ZNF609: variants seen among roughly 807,000 people sequenced by gnomAD.
ZNF609 encodes the protein zinc finger protein 609.
In ZNF609, 11 loss-of-function variants were observed where a neutral mutation model predicts 109.5. The ratio of observed to expected loss-of-function variants is 0.10; its 90% CI spans 0.06 to 0.17. ZNF609 has a LOEUF of 0.17. ZNF609 is among the 10% of genes least tolerant of loss of function. The pLI is 1.00. For missense variants in ZNF609, 1,559 were observed against 1,772.4 expected (o/e 0.88, Z 2.16); for synonymous variants, 646 against 662.0 (o/e 0.98, Z 0.37).
chr15:64,588,774 G>T (rs1016006311), intron 2 of ZNF609, among the ~76,000 whole-genome samples: 1 of 152,000 alleles, frequency 6.6e-6, no homozygotes, highest in Admixed American at 6.6e-5. Flanking sequence ...AAGTAGCTGG[G>T]ATTACAGGCA....
At chr15:64,468,374 T>C (rs1236026378) in intron 1 of ZNF609, among the ~76,000 whole-genome samples, 1 of 151,846 alleles carries the variant, frequency 6.6e-6, no homozygotes, top group Non-Finnish European at 1.5e-5. Context: ...TGGAGTGCAA[T>C]GGTGCAATCA....
At chr15:64,526,139 G>T (rs1893965321) in intron 2 of ZNF609, among the ~76,000 whole-genome samples, 1 of 150,692 alleles carries the variant, frequency 6.6e-6, no homozygotes, top group African/African-American at 2.4e-5. Context: ...TCAAATTTAG[G>T]GGTTGTACAC....
chr15:64,542,078 G>C (rs1163219745), intron 2 of ZNF609, among the ~76,000 whole-genome samples: 1 of 151,986 alleles, frequency 6.6e-6, no homozygotes, highest in African/African-American at 2.4e-5. Flanking sequence ...GATGCCAGGA[G>C]TTTGAGACCA....
chr15:64,517,398 C>A (rs966721342), intron 2 of ZNF609, among the ~76,000 whole-genome samples: 2 of 151,958 alleles, frequency 1.3e-5, no homozygotes, highest in African/African-American at 4.8e-5. Context: ...AACAAAATTC[C>A]CTGTGATTCA....
intron 2 of ZNF609, among the ~76,000 whole-genome samples, chr15:64,539,342 G>T (rs1337367906): frequency 6.6e-6 from 1 of 151,242 alleles, no homozygotes; most frequent in Non-Finnish European, 1.5e-5. Context: ...CAAGTAGCTG[G>T]GACCACAGGC....
At chr15:64,585,141 ATGGC>A (rs1895175311) in intron 2 of ZNF609, among the ~76,000 whole-genome samples, 1 of 151,776 alleles carries the variant, frequency 6.6e-6, no homozygotes, top group Non-Finnish European at 1.5e-5. Context: ...CCTGGCCAAC[ATGGC>A]AAAAACTTGT....
At chr15:64,522,227 T>C (rs1357896247) in intron 2 of ZNF609, among the ~76,000 whole-genome samples, 1 of 152,218 alleles carries the variant, frequency 6.6e-6, no homozygotes, top group African/African-American at 2.4e-5. Flanking sequence ...TTGAAATCTA[T>C]AAGTGCTTTA....
chr15:64,589,079 C>T (rs1895251787), intron 2 of ZNF609, among the ~76,000 whole-genome samples: 1 of 152,164 alleles, frequency 6.6e-6, no homozygotes, highest in South Asian at 2.1e-4. Context: ...TGAACACTAG[C>T]TAGTTCCATT....
At chr15:64,484,660 GGT>G (rs1893305507) in intron 1 of ZNF609, among the ~76,000 whole-genome samples, 1 of 106,482 alleles carries the variant, frequency 9.4e-6, no homozygotes, top group Non-Finnish European at 1.9e-5. Context: ...TGGGCAACAG[GGT>G]GAGACTCTGT....
At chr15:64,607,315 C>T (rs962707990) in intron 2 of ZNF609, among the ~76,000 whole-genome samples, 2 of 151,966 alleles carry the variant, frequency 1.3e-5, no homozygotes, top group Non-Finnish European at 2.9e-5. Flanking sequence ...AAACAACACA[C>T]ACATATACAT....
chr15:64,480,400 G>A (rs1471102611), intron 1 of ZNF609, among the ~76,000 whole-genome samples: 5 of 151,882 alleles, frequency 3.3e-5, no homozygotes. Context: ...GCGTAGTGGC[G>A]GGTGCCTGTA....
At chr15:64,615,033 C>A (rs779873855) in intron 2 of ZNF609, among the ~76,000 whole-genome samples, 2 of 151,796 alleles carry the variant, frequency 1.3e-5, no homozygotes, top group African/African-American at 4.8e-5. Context: ...TGGCCAGGCT[C>A]GTCTCAAACT....
intron 3 of ZNF609, among the ~76,000 whole-genome samples, chr15:64,652,577 G>A (rs941436822): frequency 1.3e-5 from 2 of 151,894 alleles, no homozygotes; most frequent in African/African-American, 4.8e-5. Context: ...TGTAGGTACG[G>A]GGGTTTTGCC....
chr15:64,539,164 T>A (rs886305129), intron 2 of ZNF609, among the ~76,000 whole-genome samples: 2 of 67,584 alleles, frequency 3.0e-5, no homozygotes, highest in Admixed American at 1.7e-4. Flanking sequence ...CCACCATGCC[T>A]TATTTATTTA....
chr15:64,644,444 C>T (rs970713804), intron 3 of ZNF609, among the ~76,000 whole-genome samples: 1 of 152,160 alleles, frequency 6.6e-6, no homozygotes, highest in African/African-American at 2.4e-5. Context: ...GCTATGATCA[C>T]ATCACTGCAC....
At chr15:64,646,810 C>CTACTCGGG in intron 3 of ZNF609, among the ~76,000 whole-genome samples, 1 of 150,682 alleles carries the variant, frequency 6.6e-6, no homozygotes, top group South Asian at 2.1e-4. Context: ...CATGGTGGCG[C>CTACTCGGG]ATGCCTGTAG....
intron 1 of ZNF609, among the ~76,000 whole-genome samples, chr15:64,465,362 G>A (rs1892999678): frequency 1.4e-5 from 2 of 147,368 alleles, no homozygotes; most frequent in South Asian, 4.3e-4. Context: ...GCATCTCTTC[G>A]GTTGTTTATT....
intron 1 of ZNF609, among the ~76,000 whole-genome samples, chr15:64,464,096 G>T (rs1892978617): frequency 6.6e-6 from 1 of 152,116 alleles, no homozygotes; most frequent in Non-Finnish European, 1.5e-5. Context: ...AGTCTAGAAA[G>T]TTGGACAGAT....
chr15:64,633,928 C>G (rs567426758), intron 3 of ZNF609, among the ~76,000 whole-genome samples: 1 of 152,018 alleles, frequency 6.6e-6, no homozygotes, highest in Non-Finnish European at 1.5e-5. Flanking sequence ...AATCTCATGC[C>G]TCGTATAGCC....
Sources: gnomAD v4.1 joint callset for allele counts (sites outside exome capture counted in the v4.1 genomes callset) on GRCh38, gnomAD v4.1.1 for gene constraint, MANE v1.5 for transcripts, NCBI Gene and HGNC (gene_info 2026-07-23, HGNC 2026-07-21) for gene names.